Variants in FAR2 observed in about 807,000 individuals in gnomAD.
The protein encoded by FAR2 is epididymis secretory protein Li 81.
FAR2 carries 19 observed loss-of-function variants against 56.0 expected under a neutral mutation model. That is an observed-to-expected ratio of 0.34 (90% CI 0.24 to 0.50). The LOEUF (loss-of-function observed/expected upper bound fraction) is 0.50. Among genes scored for constraint, FAR2 ranks in the 20% least tolerant of loss-of-function variants. The probability of loss-of-function intolerance (pLI) is 0.98; values close to 1 mark genes in which losing one functional copy is unlikely to be tolerated. For synonymous variants in FAR2, 219 were observed against 218.8 expected (o/e 1.00, Z -0.01); for missense variants, 508 against 642.2 (o/e 0.79, Z 2.26).
chr12:29,259,955 A>G lies in FAR2; in HGVS notation c.-38-10457A>G, dbSNP rs550090343. On this transcript the variant is annotated intron_variant, in intron 1 of 11. Transcript: ENST00000536681. The stretch of plus-strand genomic sequence containing the variant: ...GAAATTATCCTCTGCTCTCTGCATT[A>G]GTAGTCTGAGAAAATATGAAAGGAG... Among the ~76,000 whole-genome samples the G allele has an allele frequency of 2.2e-3, 342 of 152,308 alleles. 2 individuals are homozygous for G. Among genetic ancestry groups the G allele is most frequent in the African/African-American group, 7.9e-3 (329 of 41,566 alleles).
chr12:29,317,037 G>A, intron 9 of FAR2, 25 bp downstream of exon 9: 3 of 1,603,206 alleles, frequency 1.9e-6, no homozygotes, highest in Non-Finnish European at 2.6e-6. Flanking sequence ...CAATGGCTTT[G>A]AGAGTGTCAC....
chr12:29,260,230 A>G (rs1267311564), intron 1 of FAR2, among the ~76,000 whole-genome samples: 1 of 152,198 alleles, frequency 6.6e-6, no homozygotes. Flanking sequence ...AACTTGATAT[A>G]TAGGCTTTTC....
chr12:29,154,953 T>G (rs949954437), intron 1 of FAR2, among the ~76,000 whole-genome samples: 4 of 152,198 alleles, frequency 2.6e-5, no homozygotes, highest in Admixed American at 6.5e-5. Flanking sequence ...CTATTAACCA[T>G]AAGCTTCTCT....
chr12:29,258,409 T>A (rs1183248478), intron 1 of FAR2, among the ~76,000 whole-genome samples: 1 of 152,104 alleles, frequency 6.6e-6, no homozygotes. Flanking sequence ...CATAAATATA[T>A]GTATAAATTT....
At chr12:29,269,779 A>G (rs1355136636) in intron 1 of FAR2, among the ~76,000 whole-genome samples, 6 of 152,144 alleles carry the variant, frequency 3.9e-5, no homozygotes, top group Non-Finnish European at 8.8e-5. Context: ...TTATTCCAGT[A>G]TTTTCTCTAA....
At chr12:29,262,140 A>T (rs933911447) in intron 1 of FAR2, among the ~76,000 whole-genome samples, 8 of 152,224 alleles carry the variant, frequency 5.3e-5, no homozygotes, top group Non-Finnish European at 1.0e-4. Context: ...AATACATAAA[A>T]AGAAAAAGTT....
chr12:29,312,648 G>A (rs1949373402), intron 8 of FAR2, among the ~76,000 whole-genome samples: 1 of 152,162 alleles, frequency 6.6e-6, no homozygotes, highest in South Asian at 2.1e-4. Context: ...GAATGTAAAG[G>A]ATTGGATCTG....
chr12:29,312,797 A>T (rs1949376253), intron 8 of FAR2, among the ~76,000 whole-genome samples: 1 of 152,152 alleles, frequency 6.6e-6, no homozygotes, highest in African/African-American at 2.4e-5. Context: ...CCTGTTACAT[A>T]GGTAACACTA....
intron 2 of FAR2, chr12:29,281,019 GA>G (rs1391614321): frequency 3.3e-5 from 5 of 152,220 alleles, no homozygotes; most frequent in African/African-American, 1.2e-4. Context: ...ACACATAGAA[GA>G]CACTCATTCC....
At chr12:29,315,131 T>C (rs1223568832) in intron 8 of FAR2, among the ~76,000 whole-genome samples, 2 of 152,220 alleles carry the variant, frequency 1.3e-5, no homozygotes, top group African/African-American at 2.4e-5. Flanking sequence ...GGAAGGCTGC[T>C]ATTTTATATG....
At chr12:29,332,805 G>A in intron 11 of FAR2, 78 bp downstream of exon 11, 1 of 1,348,960 alleles carries the variant, frequency 7.4e-7, no homozygotes, top group Non-Finnish European at 1.0e-6. Context: ...CATTTGTGCA[G>A]AGGAGAATGA....
At chr12:29,294,096 T>C (rs939222893) in intron 3 of FAR2, among the ~76,000 whole-genome samples, 3 of 152,330 alleles carry the variant, frequency 2.0e-5, no homozygotes, top group Admixed American at 1.3e-4. Context: ...TCTGTGCACA[T>C]GAATGCTCAT....
At chr12:29,299,228 A>G (rs1174920336) in intron 4 of FAR2, among the ~76,000 whole-genome samples, 39 of 151,302 alleles carry the variant, frequency 2.6e-4, no homozygotes, top group Admixed American at 1.7e-3. Context: ...AAAAAAAAAA[A>G]AAAAAAAGAA....
At chr12:29,185,387 C>T (rs1950031967) in intron 1 of FAR2, among the ~76,000 whole-genome samples, 1 of 152,102 alleles carries the variant, frequency 6.6e-6, no homozygotes, top group African/African-American at 2.4e-5. Context: ...TCCATCAGAG[C>T]TTATGATCCT....
At chr12:29,215,122 T>A (rs1215226008) in intron 1 of FAR2, among the ~76,000 whole-genome samples, 1 of 152,140 alleles carries the variant, frequency 6.6e-6, no homozygotes, top group African/African-American at 2.4e-5. Context: ...TACAGTGTAG[T>A]CATGAGAGAG....
At chr12:29,165,521 C>T (rs1949817846) in intron 1 of FAR2, among the ~76,000 whole-genome samples, 1 of 152,126 alleles carries the variant, frequency 6.6e-6, no homozygotes, top group Non-Finnish European at 1.5e-5. Context: ...GGAGAGAGTT[C>T]CAACTCAAAA....
At chr12:29,290,851 T>C (rs1948953147) in intron 2 of FAR2, among the ~76,000 whole-genome samples, 1 of 151,996 alleles carries the variant, frequency 6.6e-6, no homozygotes, top group South Asian at 2.1e-4. Context: ...TACCAGAGGC[T>C]GGGAAGGCAA....
chr12:29,198,171 G>T (rs979671073), intron 1 of FAR2, among the ~76,000 whole-genome samples: 6 of 152,012 alleles, frequency 3.9e-5, no homozygotes, highest in African/African-American at 9.7e-5. Flanking sequence ...ACAGTTTTGC[G>T]CATAGGTGAT....
At chr12:29,196,852 T>C (rs1299523444) in intron 1 of FAR2, among the ~76,000 whole-genome samples, 1 of 152,134 alleles carries the variant, frequency 6.6e-6, no homozygotes. Context: ...GTATTTAAAC[T>C]ATGCATGTAA....
Sources: gnomAD v4.1 joint callset for allele counts (sites outside exome capture counted in the v4.1 genomes callset) on GRCh38, gnomAD v4.1.1 for gene constraint, MANE v1.5 for transcripts, NCBI Gene and HGNC (gene_info 2026-07-23, HGNC 2026-07-21) for gene names.